MRPS18A: variants seen among roughly 807,000 people sequenced by gnomAD.
The protein encoded by MRPS18A is large ribosomal subunit protein mL66.
In MRPS18A, 20 loss-of-function variants were observed where a neutral mutation model predicts 22.7. That is an observed-to-expected ratio of 0.88 (90% CI 0.62 to 1.28). MRPS18A has a LOEUF of 1.28. Among genes scored for constraint, MRPS18A ranks in the 50% most tolerant of loss-of-function variants. The pLI is 0.00. For missense variants in MRPS18A, 294 were observed against 262.6 expected (o/e 1.12, Z -0.83); for synonymous variants, 106 against 99.1 (o/e 1.07, Z -0.41).
intron 1 of MRPS18A, among the ~76,000 whole-genome samples, chr6:43,686,742 C>T (rs1247400503): frequency 2.6e-5 from 4 of 152,234 alleles, no homozygotes; most frequent in African/African-American, 9.6e-5. Flanking sequence ...AAAAACCCCA[C>T]ATCTCTTCTT....
chr6:43,672,325 C>A, intron 5 of MRPS18A: 1 of 463,838 alleles, frequency 2.2e-6, no homozygotes, highest in Admixed American at 2.4e-5. Flanking sequence ...TCAGCTACCC[C>A]AACCTTCAGG....
intron 3 of MRPS18A, among the ~76,000 whole-genome samples, chr6:43,675,918 A>G (rs1484881807): frequency 6.6e-6 from 1 of 151,976 alleles, no homozygotes; most frequent in African/African-American, 2.4e-5. Context: ...CAGTGGCGCA[A>G]TCTCGGGTCA....
At chr6:43,677,428 C>T (rs1774119588) in intron 3 of MRPS18A, among the ~76,000 whole-genome samples, 1 of 152,184 alleles carries the variant, frequency 6.6e-6, no homozygotes, top group Admixed American at 6.5e-5. Flanking sequence ...TGCCTTTAGT[C>T]ATCCTATTCC....
chr6:43,681,460 A>C (rs947064674), intron 1 of MRPS18A, among the ~76,000 whole-genome samples: 14 of 152,244 alleles, frequency 9.2e-5, no homozygotes, highest in African/African-American at 3.4e-4. Context: ...GGCTAGCAAT[A>C]AAAGAGGGTG....
intron 3 of MRPS18A, among the ~76,000 whole-genome samples, chr6:43,677,295 AC>A (rs1014467678): frequency 6.6e-6 from 1 of 151,164 alleles, no homozygotes; most frequent in Non-Finnish European, 1.5e-5. Flanking sequence ...GACAGAAAGA[AC>A]CCCCCCAACC....
chr6:43,675,122 G>T (rs1773978384), intron 5 of MRPS18A, 80 bp downstream of exon 5: 1 of 1,239,428 alleles, frequency 8.1e-7, no homozygotes, highest in Non-Finnish European at 1.1e-6. Flanking sequence ...AGCTGGCAGG[G>T]AATGGAACAG....
At chr6:43,679,799 T>C (rs1023461439) in intron 2 of MRPS18A, among the ~76,000 whole-genome samples, 3 of 151,874 alleles carry the variant, frequency 2.0e-5, no homozygotes, top group Non-Finnish European at 4.4e-5. Flanking sequence ...ACTGAGATGT[T>C]AGAGAAAATT....
chr6:43,675,517 C>CA lies in MRPS18A; in HGVS notation c.352dup (p.Cys118LeufsTer20). The CA allele has an allele frequency of 6.2e-7, 1 of 1,614,192 alleles. No individual in the cohort carries two copies. Among genetic ancestry groups the CA allele is most frequent in the Non-Finnish European group, 8.5e-7 (1 of 1,180,034 alleles). ...ACCTGCTCGGTGGGCCATCTTCACACACTCCTCGATCTTGCGGTGTTCTTC... is the reference window on the plus strand; with the variant it reads ...ACCTGCTCGGTGGGCCATCTTCACACAACTCCTCGATCTTGCGGTGTTCTTC... On this transcript the variant is annotated frameshift_variant, in exon 4 of 6. Transcript: ENST00000372133. LOFTEE classifies it high-confidence loss of function.
At chr6:43,681,797 C>G (rs940922107) in intron 1 of MRPS18A, among the ~76,000 whole-genome samples, 14 of 152,204 alleles carry the variant, frequency 9.2e-5, no homozygotes, top group African/African-American at 3.1e-4. Context: ...CCATTCCAAA[C>G]AGAGAGGGAC....
chr6:43,675,323 A>AG, intron 4 of MRPS18A, 52 bp from the exon 5 acceptor site: 7 of 1,562,440 alleles, frequency 4.5e-6, no homozygotes, highest in East Asian at 2.3e-5. Context: ...TGCAGCTCTG[A>AG]GGGGGCCAGA....
At chr6:43,681,999 T>C (rs1774445511) in intron 1 of MRPS18A, among the ~76,000 whole-genome samples, 1 of 152,358 alleles carries the variant, frequency 6.6e-6, no homozygotes, top group African/African-American at 2.4e-5. Context: ...TGACACAGTT[T>C]CTTTAGAAAG....
chr6:43,679,260 C>T (rs1774249923), intron 2 of MRPS18A, among the ~76,000 whole-genome samples: 1 of 152,172 alleles, frequency 6.6e-6, no homozygotes, highest in Non-Finnish European at 1.5e-5. Context: ...TAACCATCCT[C>T]CACTGCACAG....
chr6:43,685,289 G>A (rs535310072), intron 1 of MRPS18A, among the ~76,000 whole-genome samples: 17 of 152,200 alleles, frequency 1.1e-4, no homozygotes, highest in South Asian at 1.0e-3. Context: ...TTCTATTTTC[G>A]TCCTCCTTCA....
chr6:43,678,552 C>T lies in MRPS18A; in HGVS notation c.218G>A (p.Cys73Tyr). 1 of 1,613,922 alleles carries T rather than the reference C, an allele frequency of 6.2e-7. No homozygotes were observed. Among genetic ancestry groups the T allele is most frequent in the Non-Finnish European group, 8.5e-7 (1 of 1,179,836 alleles). The change falls in exon 3 of 6, where the codon TGC (cysteine) becomes TAC (tyrosine). Residue 73 changes from cysteine (C) to tyrosine (Y), a missense_variant. Cys to Tyr is a radical substitution (Grantham distance 194, BLOSUM62 -2). Coordinates refer to ENST00000372133, the MANE Select transcript of MRPS18A (RefSeq NM_018135.4). ...ATACTTGTGCTTCAGGTTCCAACGGCAGATGGGGCACTGGCCAGAGGGGTT... is the reference window on the plus strand; with the variant it reads ...ATACTTGTGCTTCAGGTTCCAACGGTAGATGGGGCACTGGCCAGAGGGGTT... ...PPNPSGQCPI[C>Y]RWNLKHKYNY... is the part of the protein sequence containing the mutation.
At chr6:43,671,985 C>T (rs2127938453) in intron 5 of MRPS18A, 79 bp from the exon 6 acceptor site, 2 of 1,439,348 alleles carry the variant, frequency 1.4e-6, no homozygotes, top group African/African-American at 2.9e-5. Flanking sequence ...ACTACCTCCT[C>T]AGGCCAGGCC....
intron 5 of MRPS18A, 32 bp downstream of exon 5, chr6:43,675,170 C>A: frequency 6.7e-7 from 1 of 1,496,052 alleles, no homozygotes; most frequent in Non-Finnish European, 8.9e-7. Context: ...GAGCGCAGAA[C>A]GCTCAGGTTG....
At position 43,671,879 on chromosome 6, in the gene MRPS18A, G is replaced by A. The variant is rs775971977; in HGVS notation, c.474C>T (p.Ser158=). Residue 158 remains serine (S), a synonymous_variant, in exon 6 of 6, where the codon TCC becomes TCT. Transcript: ENST00000372133. ...NRYLTRWAPG[S]VKPIYKKGPR... ...GGCCTTTTTTGTAGATGGGCTTGAC[G>A]GAGCCAGGAGCCCAGCGCGTCAGGT... 4.0e-5 allele frequency: 64 copies of A among 1,612,738 alleles called. No homozygotes were observed. In the Admixed American group the frequency reaches 4.8e-4, roughly 12 times the overall value.
At chr6:43,672,175 G>C in intron 5 of MRPS18A, 1 of 541,714 alleles carries the variant, frequency 1.8e-6, no homozygotes, top group South Asian at 2.1e-5. Flanking sequence ...AAATGTCAAT[G>C]TTGGTGTGTG....
chr6:43,671,768 A>G lies in MRPS18A; in HGVS notation c.585T>C (p.Tyr195=). 6.2e-7 allele frequency: 1 copy of G among 1,614,190 alleles called. No homozygotes were observed. Among genetic ancestry groups the G allele is most frequent in the South Asian group, 1.1e-5 (1 of 91,082 alleles). ...CTGGAAGCACTGCTCTCTGTCAGTGATACAGCTTCCAAGGTGTTCTTGAGT... is the reference window on the plus strand; with the variant it reads ...CTGGAAGCACTGCTCTCTGTCAGTGGTACAGCTTCCAAGGTGTTCTTGAGT... The part of the protein sequence containing the change: ...VCYSRTPWKL[Y]H Residue 195 remains tyrosine, a synonymous_variant, in exon 6 of 6, where the codon TAT becomes TAC. Coordinates refer to ENST00000372133, the MANE Select transcript of MRPS18A (RefSeq NM_018135.4).
Sources: allele counts gnomAD v4.1 joint callset (sites outside exome capture counted in the v4.1 genomes callset), GRCh38; gene constraint gnomAD v4.1.1; transcripts MANE v1.5; gene names NCBI Gene and HGNC (gene_info 2026-07-23, HGNC 2026-07-21).